GFM1: variants seen among roughly 807,000 people sequenced by gnomAD.
GFM1 encodes G elongation factor mitochondrial 1.
A neutral mutation model predicts 96.2 loss-of-function variants in GFM1; 62 were observed. The ratio of observed to expected loss-of-function variants is 0.64; its 90% confidence interval spans 0.53 to 0.80. The LOEUF is 0.80. Ranked by LOEUF, GFM1 falls within the 30% of genes least tolerant of loss-of-function variation. The probability of loss-of-function intolerance (pLI) is 0.00; values close to 1 mark genes in which losing one functional copy is unlikely to be tolerated. For missense variants in GFM1, 852 were observed against 916.6 expected, an observed-to-expected ratio of 0.93 and a Z score of 0.91; for synonymous variants, 282 against 312.9, an observed-to-expected ratio of 0.90 and a Z score of 1.04.
At chr3:158,679,491 C>A (rs1725185550) in intron 13 of GFM1, among the ~76,000 whole-genome samples, 1 of 152,106 alleles carries the variant, frequency 6.6e-6, no homozygotes, top group African/African-American at 2.4e-5. Flanking sequence ...GACTAAGTAG[C>A]TTTTAAAAAA....
chr3:158,680,802 A>G (rs1260994741), intron 13 of GFM1, among the ~76,000 whole-genome samples: 1 of 152,186 alleles, frequency 6.6e-6, no homozygotes, highest in Non-Finnish European at 1.5e-5. Context: ...GCTCTCGATT[A>G]TAAATTCAGA....
In GFM1 at chr3:158,646,956, C is replaced by A. The variant is rs377342697; in HGVS notation, c.572+9C>A. On this transcript the variant is annotated intron_variant, in intron 4 of 17. Coordinates refer to ENST00000486715, the MANE Select transcript of GFM1 (RefSeq NM_024996.7). ...GCCCTGCAGCAAATGAGGTAATGAG[C>A]CTTAGAATAAACAAAGAGGATGTGA... 7.5e-6 allele frequency: 12 copies of A among 1,607,080 alleles called. No homozygotes were observed. The highest frequency in any genetic ancestry group is 9.4e-6 in the Non-Finnish European group (11 of 1,173,718).
chr3:158,681,243 G>A (rs1207422103), intron 13 of GFM1, among the ~76,000 whole-genome samples: 1 of 152,042 alleles, frequency 6.6e-6, no homozygotes, highest in East Asian at 1.9e-4. Context: ...TCCATCTTGT[G>A]GTCTTGAGGA....
chr3:158,683,532 A>G (rs749782505), intron 14 of GFM1, among the ~76,000 whole-genome samples: 18 of 152,252 alleles, frequency 1.2e-4, no homozygotes, highest in Non-Finnish European at 2.4e-4. Context: ...ATTACTCTTT[A>G]ATTCTAGTTC....
Position 158,646,217 on chromosome 3 carries a change from G to C in GFM1, c.287G>C (p.Arg96Thr). ...GAVMDSMELERQRGITIQSAA... is the reference protein window; with the variant it reads ...GAVMDSMELETQRGITIQSAA... ...GTCATGGATTCCATGGAACTAGAGA[G>C]ACAAAGAGGAATCACTATTCAGTCA... Residue 96 changes from arginine to threonine, a missense_variant, in exon 3 of 18, where the codon AGA becomes ACA. Arg to Thr is a moderately conservative substitution (Grantham distance 71). Transcript: ENST00000486715. 6.2e-7 allele frequency: 1 copy of C among 1,613,914 alleles called. No homozygotes were observed. Among genetic ancestry groups the C allele is most frequent in the Non-Finnish European group, 8.5e-7 (1 of 1,179,784 alleles).
At chr3:158,672,952 C>T (rs1724501134) in intron 13 of GFM1, among the ~76,000 whole-genome samples, 1 of 152,192 alleles carries the variant, frequency 6.6e-6, no homozygotes, top group Admixed American at 6.5e-5. Context: ...GCTTCGCTTG[C>T]ATACTGGAGC....
intron 15 of GFM1, chr3:158,685,414 C>T (rs944907519): frequency 3.9e-5 from 6 of 152,156 alleles, no homozygotes; most frequent in African/African-American, 1.4e-4. Flanking sequence ...CCACCGGTGT[C>T]TTTACACAGT....
At chr3:158,646,697 A>G in intron 3 of GFM1, 46 bp from the exon 4 acceptor site, 1 of 1,508,026 alleles carries the variant, frequency 6.6e-7, no homozygotes, top group Non-Finnish European at 9.1e-7. Context: ...ATATATTAAA[A>G]ATTCAGATTG....
At chr3:158,646,392 T>C in intron 3 of GFM1, 95 bp downstream of exon 3, 1 of 1,268,810 alleles carries the variant, frequency 7.9e-7, no homozygotes, top group East Asian at 2.3e-5. Context: ...GATTGTCAAA[T>C]ACTCAAAAGT....
chr3:158,684,831 T>G (rs41272619), intron 15 of GFM1, 163 bp downstream of exon 15: 1 of 658,068 alleles, frequency 1.5e-6, no homozygotes, highest in Non-Finnish European at 2.6e-6. Flanking sequence ...CAAGGTAGAT[T>G]ATTATGTTCT....
At position 158,693,612 on chromosome 3, in the gene GFM1, A is replaced by C. The variant is rs527555377; in HGVS notation, c.*2145A>C. The C allele has an allele frequency of 6.6e-6, 1 of 152,216 alleles. No individual in the cohort carries two copies. The highest frequency in any genetic ancestry group is 1.5e-5 in the Non-Finnish European group (1 of 68,034). 9.4% of individuals were successfully genotyped at this position (152,216 alleles called of 1,614,324 possible). ...TCACATACCAACCAAAGTCTGTAGC[A>C]TGGAAAAAAATTAATGAGAATATTC... On this transcript the variant is annotated 3_prime_UTR_variant, in exon 18 of 18. Transcript: ENST00000486715.
chr3:158,681,899 G>C, intron 13 of GFM1, 96 bp from the exon 14 acceptor site: 1 of 1,056,960 alleles, frequency 9.5e-7, no homozygotes, highest in Non-Finnish European at 1.4e-6. Context: ...AAATGAAAAA[G>C]TAAAAATAAT....
chr3:158,645,538 T>G (rs1237055310), intron 1 of GFM1, 91 bp from the exon 2 acceptor site: 2 of 1,098,488 alleles, frequency 1.8e-6, no homozygotes, highest in Non-Finnish European at 2.8e-6. Context: ...TGAGATTTCT[T>G]GGAGGAATAA....
chr3:158,657,646 T>A (rs1722876255), intron 8 of GFM1: 1 of 152,164 alleles, frequency 6.6e-6, no homozygotes, highest in Admixed American at 6.5e-5. Context: ...TCCTTCTACT[T>A]CTTTATGTTT....
chr3:158,674,360 C>G (rs769338626), intron 13 of GFM1, among the ~76,000 whole-genome samples: 9 of 152,216 alleles, frequency 5.9e-5, no homozygotes, highest in Non-Finnish European at 1.2e-4. Context: ...TGCCTGGCCT[C>G]TCCACGTTTC....
Position 158,653,363 on chromosome 3 carries a change from AAGC to A in GFM1, c.895_897del (p.Ser299del). 6.2e-7 allele frequency: 1 copy of A among 1,613,520 alleles called. No homozygotes were observed. The highest frequency in any genetic ancestry group is 8.5e-7 in the Non-Finnish European group (1 of 1,179,584). On this transcript the variant is annotated inframe_deletion, in exon 7 of 18. Coordinates refer to ENST00000486715, the MANE Select transcript of GFM1 (RefSeq NM_024996.7). ...GATCATTTACTCCTGTATTTTTGGG[AAGC>A]GCCTTGAAGAACAAAGGAGTTCAGC...
At position 158,694,886 on chromosome 3, in the gene GFM1, G is replaced by A. The variant is rs1023197586; in HGVS notation, c.*3419G>A. Reference sequence around the variant, plus strand: ...TATATGTCTTAAGAAAGTTCTAAAGGTATTAGGAAAATGAATGTCAAGCTG... The same window carrying A: ...TATATGTCTTAAGAAAGTTCTAAAGATATTAGGAAAATGAATGTCAAGCTG... On this transcript the variant is annotated 3_prime_UTR_variant, in exon 18 of 18. Coordinates refer to ENST00000486715, the MANE Select transcript of GFM1 (RefSeq NM_024996.7). Among the ~76,000 whole-genome samples the A allele has an allele frequency of 6.6e-6, 1 of 152,156 alleles. No individual in the cohort carries two copies. The highest frequency in any genetic ancestry group is 1.5e-5 in the Non-Finnish European group (1 of 68,028).
chr3:158,686,273 T>C (rs1725831688), intron 15 of GFM1, among the ~76,000 whole-genome samples: 1 of 147,962 alleles, frequency 6.8e-6, no homozygotes, highest in African/African-American at 2.5e-5. Flanking sequence ...GTATAAAATA[T>C]ATATAAACCA....
chr3:158,676,826 A>G (rs1339244026), intron 13 of GFM1, among the ~76,000 whole-genome samples: 2 of 151,546 alleles, frequency 1.3e-5, no homozygotes, highest in African/African-American at 4.9e-5. Flanking sequence ...CAGCTTCCCG[A>G]GTAGCTAGGA....
Sources: gnomAD v4.1 joint callset for allele counts (sites outside exome capture counted in the v4.1 genomes callset) on GRCh38, gnomAD v4.1.1 for gene constraint, MANE v1.5 for transcripts, NCBI Gene and HGNC (gene_info 2026-07-23, HGNC 2026-07-21) for gene names.